Variants in ATP1B2 observed in about 807,000 individuals in gnomAD.
The protein encoded by ATP1B2 is sodium/potassium-transporting ATPase subunit beta-2.
A neutral mutation model predicts 37.3 loss-of-function variants in ATP1B2; 12 were observed. That is an observed-to-expected ratio of 0.32 (90% CI 0.21 to 0.52). The LOEUF is 0.52. Ranked by LOEUF, ATP1B2 falls within the 20% of genes least tolerant of loss-of-function variation. The probability of loss-of-function intolerance (pLI) is 0.96; values close to 1 mark genes in which losing one functional copy is unlikely to be tolerated. For missense variants in ATP1B2, 324 were observed against 391.6 expected, an observed-to-expected ratio of 0.83 and a Z score of 1.46; for synonymous variants, 139 against 140.5, an observed-to-expected ratio of 0.99 and a Z score of 0.07.
chr17:7,654,795 C>A lies in ATP1B2; in HGVS notation c.609+111C>A. On this transcript the variant is annotated intron_variant, in intron 5 of 6. Transcript: ENST00000250111. This position sits in a 1 kb window ranked among gnomAD's most constrained non-coding sequence, Gnocchi z 4.9. ...TCCCTATCTTCTTTGCTCCTAGAGG[C>A]CCCATCACCATAGAAACAAGGGGGT... 1 of 1,292,670 alleles carries A rather than the reference C, an allele frequency of 7.7e-7. No individual in the cohort carries two copies. Among genetic ancestry groups the A allele is most frequent in the Non-Finnish European group, 1.1e-6 (1 of 899,346 alleles). 80.1% of individuals were successfully genotyped at this position (1,292,670 alleles called of 1,614,324 possible).
In ATP1B2 at chr17:7,655,853, C is replaced by A; in HGVS notation, c.831C>A (p.Phe277Leu). 6.2e-7 allele frequency: 1 copy of A among 1,614,120 alleles called. No individual in the cohort carries two copies. Among genetic ancestry groups the A allele is most frequent in the Non-Finnish European group, 8.5e-7 (1 of 1,180,022 alleles). ...NIATDDERDKFAGRVAFKLRI... is the reference protein window; with the variant it reads ...NIATDDERDKLAGRVAFKLRI... ...CCACAGACGATGAGCGAGACAAGTT[C>A]GCCGGCCGCGTGGCCTTCAAACTCC... Residue 277 changes from phenylalanine to leucine, a missense_variant, in exon 7 of 7, where the codon TTC (phenylalanine) becomes TTA (leucine). Transcript: ENST00000250111. The surrounding 1 kb of genome is among the most constrained non-coding windows in gnomAD (Gnocchi z 4.4).
Position 7,654,304 on chromosome 17 carries a change from G to A in ATP1B2, c.552+47G>A, listed in dbSNP as rs1467763284. On this transcript the variant is annotated intron_variant, in intron 4 of 6. Transcript: ENST00000250111. This position sits in a 1 kb window ranked among gnomAD's most constrained non-coding sequence, Gnocchi z 4.9. ...AGGGTGAATGGAGGAAGGATCTGGG[G>A]ACACCACCTGCAGACAATTGCATCC... The A allele has an allele frequency of 6.3e-7, 1 of 1,591,942 alleles. No individual in the cohort carries two copies. The highest frequency in any genetic ancestry group is 8.6e-7 in the Non-Finnish European group (1 of 1,162,102).
In ATP1B2 at chr17:7,654,087, G is replaced by A. The variant is rs1255131087; in HGVS notation, c.382G>A (p.Val128Ile). 7 of 1,614,144 alleles carry A rather than the reference G, an allele frequency of 4.3e-6. No homozygotes were observed. Among genetic ancestry groups the A allele is most frequent in the South Asian group, 1.1e-5 (1 of 91,084 alleles). ...NDSIQAQKND[V>I]CRPGRYYEQP... ...CTCTATCCAAGCCCAAAAGAATGAT[G>A]TCTGCCGCCCTGGACGCTATTACGA... The change falls in exon 4 of 7, where the codon GTC becomes ATC. Residue 128 changes from valine (V) to isoleucine (I), a missense_variant. By Grantham distance (29) the Val-to-Ile change is conservative (BLOSUM62 3). Transcript: ENST00000250111. This position sits in a 1 kb window ranked among gnomAD's most constrained non-coding sequence, Gnocchi z 4.9.
Position 7,656,438 on chromosome 17 carries a change from C to G in ATP1B2, c.*543C>G, listed in dbSNP as rs74339556. On this transcript the variant is annotated 3_prime_UTR_variant, in exon 7 of 7. Transcript: ENST00000250111. ...TGGTGACTTTGAATTTATCTGGCTC[C>G]TGGGCAGGTCTTCTCCTCCTCTCCA... The G allele has an allele frequency of 0.019, 3,080 of 158,160 alleles. 95 individuals are homozygous for G. The highest frequency in any genetic ancestry group is 0.068 in the African/African-American group (2,836 of 41,582). The allele number at this position is 158,160 out of a possible 1,614,324, so 9.8% of individuals were successfully genotyped here. A position where few individuals can be genotyped will look rare whatever the true frequency, so the allele number is the denominator to read the frequency against.
Position 7,655,935 on chromosome 17 carries a change from C to T in ATP1B2, c.*40C>T, listed in dbSNP as rs202185859. 2.2e-5 allele frequency: 35 copies of T among 1,609,150 alleles called. No homozygotes were observed. Among genetic ancestry groups the T allele is most frequent in the Non-Finnish European group, 3.0e-5 (35 of 1,177,302 alleles). On this transcript the variant is annotated 3_prime_UTR_variant, in exon 7 of 7. Transcript: ENST00000250111. This position sits in a 1 kb window ranked among gnomAD's most constrained non-coding sequence, Gnocchi z 4.4. ...ACCCCATCTCTCTCCTGTGGATGCTCCTGGAATGTCCCTGACCCTGCCTGA... is the reference window on the plus strand; with the variant it reads ...ACCCCATCTCTCTCCTGTGGATGCTTCTGGAATGTCCCTGACCCTGCCTGA...
In ATP1B2 at chr17:7,651,468, G is replaced by C. The variant is rs766659731; in HGVS notation, c.-51G>C. ...GAGGGCTTCAGCGCGCGGCGCCCCCGCTTCTCCGCAACCCCCCGCCCCGCG... is the reference window on the plus strand; with the variant it reads ...GAGGGCTTCAGCGCGCGGCGCCCCCCCTTCTCCGCAACCCCCCGCCCCGCG... On this transcript the variant is annotated 5_prime_UTR_variant, in exon 1 of 7. Transcript: ENST00000250111. The C allele has an allele frequency of 6.6e-7, 1 of 1,508,046 alleles. No individual in the cohort carries two copies. Among genetic ancestry groups the C allele is most frequent in the Non-Finnish European group, 9.0e-7 (1 of 1,110,388 alleles). The allele number at this position is 1,508,046 out of a possible 1,614,324, so 93.4% of individuals were successfully genotyped here. A position where few individuals can be genotyped will look rare whatever the true frequency, so the allele number is the denominator to read the frequency against.
chr17:7,651,689 G>T, intron 1 of ATP1B2, 59 bp downstream of exon 1: 2 of 1,441,564 alleles, frequency 1.4e-6, no homozygotes, highest in Non-Finnish European at 9.3e-7. Context: ...CCTCGGGGGC[G>T]CAGGGTCCCG....
rs1304756292 is a variant in ATP1B2, at chr17:7,651,262, C to T, written c.-257C>T. On this transcript the variant is annotated 5_prime_UTR_variant, in exon 1 of 7. Coordinates refer to ENST00000250111, the MANE Select transcript of ATP1B2 (RefSeq NM_001678.5). ...CATACCCCTTCCTCTTGTTATTCTC[C>T]CCTGCTCTGACAGCACCCCTTTTCA... is the stretch of plus-strand genomic sequence containing the variant. The T allele has an allele frequency of 8.0e-6, 4 of 502,582 alleles. No individual in the cohort carries two copies. In the Admixed American group the frequency reaches 1.3e-4, roughly 17 times the overall value. The allele number at this position is 502,582 out of a possible 1,614,324, so 31.1% of individuals were successfully genotyped here.
At position 7,651,509 on chromosome 17, in the gene ATP1B2, C is replaced by T. The variant is rs1181199244; in HGVS notation, c.-10C>T. The T allele has an allele frequency of 1.9e-6, 3 of 1,579,008 alleles. No homozygotes were observed. Among genetic ancestry groups the T allele is most frequent in the East Asian group, 2.3e-5 (1 of 42,554 alleles). The stretch of plus-strand genomic sequence containing the variant: ...CCGCCCCGCGCCCGGACTCGCCCCG[C>T]GCCACCAAGATGGTCATCCAGAAAG... On this transcript the variant is annotated 5_prime_UTR_variant, in exon 1 of 7. Coordinates refer to ENST00000250111, the MANE Select transcript of ATP1B2 (RefSeq NM_001678.5).
At chr17:7,649,338 A>C (rs2072594345), upstream of ATP1B2, among the ~76,000 whole-genome samples, 1 of 151,730 alleles carries the variant, frequency 6.6e-6, no homozygotes, top group Admixed American at 6.6e-5. Flanking sequence ...CCTCCTATAG[A>C]GCTGGGATTA....
In ATP1B2 at chr17:7,657,642, T is replaced by C. The variant is rs2072664960; in HGVS notation, c.*1747T>C. The C allele has an allele frequency of 6.6e-6, 1 of 152,624 alleles. No homozygotes were observed. The highest frequency in any genetic ancestry group is 2.4e-5 in the African/African-American group (1 of 41,436). The allele number at this position is 152,624 out of a possible 1,614,324, so 9.5% of individuals were successfully genotyped here. On this transcript the variant is annotated 3_prime_UTR_variant, in exon 7 of 7. Transcript: ENST00000250111. ...TTTCTTCCCTTCGGGCCCCCATGTT[T>C]TCCTGCACCCGCCCTACCATGGTCT...
chr17:7,653,638 T>C (rs1001700981), intron 2 of ATP1B2, 136 bp downstream of exon 2: 9 of 1,431,182 alleles, frequency 6.3e-6, no homozygotes, highest in Non-Finnish European at 7.5e-6. Flanking sequence ...TCTTGAAATC[T>C]GTCCACCTTC....
chr17:7,651,221 G>T lies in ATP1B2; in HGVS notation c.-298G>T, dbSNP rs921328175. 6 of 371,178 alleles carry T rather than the reference G, an allele frequency of 1.6e-5. No homozygotes were observed. The highest frequency in any genetic ancestry group is 8.8e-5 in the Admixed American group (2 of 22,636). The allele number at this position is 371,178 out of a possible 1,614,324, so 23.0% of individuals were successfully genotyped here. A position where few individuals can be genotyped will look rare whatever the true frequency, so the allele number is the denominator to read the frequency against. On this transcript the variant is annotated 5_prime_UTR_variant, in exon 1 of 7. Coordinates refer to ENST00000250111, the MANE Select transcript of ATP1B2 (RefSeq NM_001678.5). ...GTTTTGTTTCTAGACGGTTTGGTGG[G>T]GGGTGAAGCTGCATTCATACCCCTT...
In ATP1B2 at chr17:7,651,307, G is replaced by A; in HGVS notation, c.-212G>A. The A allele has an allele frequency of 1.7e-6, 1 of 574,024 alleles. No homozygotes were observed. Among genetic ancestry groups the A allele is most frequent in the South Asian group, 2.0e-5 (1 of 50,836 alleles). The allele number at this position is 574,024 out of a possible 1,614,324, so 35.6% of individuals were successfully genotyped here. ...TTTTCATCGCAGTTGGGGGGCCTAG[G>A]ATCGGTGCATCTTCCGCCGCGCTGC... On this transcript the variant is annotated 5_prime_UTR_variant, in exon 1 of 7. Transcript: ENST00000250111.
chr17:7,649,219 A>AT (rs111766815), upstream of ATP1B2, among the ~76,000 whole-genome samples: 72 of 151,034 alleles, frequency 4.8e-4, no homozygotes, highest in African/African-American at 1.7e-3. Context: ...CACCCGGCTA[A>AT]TTTTTTTAGT....
In ATP1B2 at chr17:7,654,189, G is replaced by A. The variant is rs1377716852; in HGVS notation, c.484G>A (p.Gly162Ser). The change falls in exon 4 of 7, where the codon GGC (glycine) becomes AGC (serine). Residue 162 changes from glycine to serine, a missense_variant. Transcript: ENST00000250111. The surrounding 1 kb of genome is among the most constrained non-coding windows in gnomAD (Gnocchi z 4.9). ...CCGGACCCAGCTGGGCAACTGCTCC[G>A]GCATTGGGGACTCCACCCACTATGG... ...FNRTQLGNCS[G>S]IGDSTHYGYS... 1.2e-6 allele frequency: 2 copies of A among 1,614,134 alleles called. No individual in the cohort carries two copies. The highest frequency in any genetic ancestry group is 2.2e-5 in the East Asian group (1 of 44,892).
Position 7,651,558 on chromosome 17 carries a change from G to GT in ATP1B2, c.42dup (p.Glu15Ter). ...AGAGAAGAAGAGCTGCGGGCAGGTG[G>GT]TTGAGGAGTGGAAGGAGTTCGTGTG... is the stretch of plus-strand genomic sequence containing the variant. On this transcript the variant is annotated frameshift_variant, in exon 1 of 7. Coordinates refer to ENST00000250111, the MANE Select transcript of ATP1B2 (RefSeq NM_001678.5). LOFTEE classifies it high-confidence loss of function. The GT allele has an allele frequency of 6.2e-7, 1 of 1,608,148 alleles. No homozygotes were observed. Among genetic ancestry groups the GT allele is most frequent in the Non-Finnish European group, 8.5e-7 (1 of 1,177,346 alleles).
chr17:7,654,315 C>A lies in ATP1B2; in HGVS notation c.552+58C>A. The A allele has an allele frequency of 2.6e-6, 4 of 1,555,842 alleles. No individual in the cohort carries two copies. Among genetic ancestry groups the A allele is most frequent in the Non-Finnish European group, 3.5e-6 (4 of 1,130,908 alleles). On this transcript the variant is annotated intron_variant, in intron 4 of 6. Transcript: ENST00000250111. This position sits in a 1 kb window ranked among gnomAD's most constrained non-coding sequence, Gnocchi z 4.9. Reference sequence around the variant, plus strand: ...AGGAAGGATCTGGGGACACCACCTGCAGACAATTGCATCCTTTCACTGGGG... The same window carrying A: ...AGGAAGGATCTGGGGACACCACCTGAAGACAATTGCATCCTTTCACTGGGG...
At chr17:7,647,787 C>A (rs1381016089), upstream of ATP1B2, among the ~76,000 whole-genome samples, 2 of 151,314 alleles carry the variant, frequency 1.3e-5, no homozygotes, top group Non-Finnish European at 2.9e-5. Context: ...CCATTGCACT[C>A]CAGCCTGGGC....
Sources: gnomAD v4.1 joint callset for allele counts (sites outside exome capture counted in the v4.1 genomes callset) on GRCh38, gnomAD v4.1.1 for gene constraint, Gnocchi (gnomAD v3.1) non-coding constraint, MANE v1.5 for transcripts, NCBI Gene and HGNC (gene_info 2026-07-23, HGNC 2026-07-21) for gene names.